DLGAP1: variants seen among roughly 807,000 people sequenced by gnomAD.
DLGAP1 encodes DLG associated protein 1, also known as disks large-associated protein 1.
DLGAP1 carries 11 observed loss-of-function variants against 90.8 expected under a neutral mutation model. That is an observed-to-expected ratio of 0.12 (90% CI 0.08 to 0.20). The LOEUF (loss-of-function observed/expected upper bound fraction) is 0.20. DLGAP1 is among the 10% of genes least tolerant of loss of function. The pLI is 1.00. For missense variants in DLGAP1, 1,050 were observed against 1,333.8 expected (o/e 0.79, Z 3.31); for synonymous variants, 558 against 540.7 (o/e 1.03, Z -0.44).
intron 1 of DLGAP1, among the ~76,000 whole-genome samples, chr18:4,279,581 C>G (rs1300023408): frequency 6.6e-6 from 1 of 152,150 alleles, no homozygotes; most frequent in Non-Finnish European, 1.5e-5. Context: ...TGTTTTCCCT[C>G]TAGCTCAACA....
chr18:3,658,711 A>G (rs998915445), intron 7 of DLGAP1, among the ~76,000 whole-genome samples: 2 of 152,238 alleles, frequency 1.3e-5, no homozygotes, highest in African/African-American at 4.8e-5. Flanking sequence ...TGACTTATTA[A>G]GCAATGACCT....
At chr18:3,768,016 GTCATCTGTTTGCAGA>G (rs1161494147) in intron 5 of DLGAP1, among the ~76,000 whole-genome samples, 4 of 151,972 alleles carry the variant, frequency 2.6e-5, no homozygotes, top group African/African-American at 9.7e-5. Context: ...GTTTTGTCTT[GTCATCTGTTTGCAGA>G]TGACATGATT....
At chr18:3,801,995 GTTTT>G (rs142173022) in intron 5 of DLGAP1, among the ~76,000 whole-genome samples, 76,695 of 140,012 alleles carry the variant, frequency 0.55, 21,653 homozygotes, top group Middle Eastern at 0.7. Flanking sequence ...TTGTTTGTTT[GTTTT>G]TTTGAGATGG....
At chr18:3,600,789 T>TAGATATAC (rs371408913) in intron 7 of DLGAP1, among the ~76,000 whole-genome samples, 4 of 105,656 alleles carry the variant, frequency 3.8e-5, no homozygotes, top group Non-Finnish European at 7.6e-5. Context: ...TATAGATATA[T>TAGATATAC]ATAGATATAT....
At chr18:3,794,425 C>T (rs1009800066) in intron 5 of DLGAP1, among the ~76,000 whole-genome samples, 16 of 106,962 alleles carry the variant, frequency 1.5e-4, no homozygotes, top group Non-Finnish European at 3.9e-5. Flanking sequence ...CAAAACTCTC[C>T]GTGTCAAAGT....
At chr18:3,893,287 C>T (rs2071524884) in intron 3 of DLGAP1, among the ~76,000 whole-genome samples, 1 of 152,008 alleles carries the variant, frequency 6.6e-6, no homozygotes, top group Non-Finnish European at 1.5e-5. Context: ...TTTAAAAATG[C>T]AATCATTGGC....
chr18:3,610,109 G>A (rs2057533169), intron 7 of DLGAP1, among the ~76,000 whole-genome samples: 1 of 151,820 alleles, frequency 6.6e-6, no homozygotes, highest in Non-Finnish European at 1.5e-5. Context: ...TCTCATCGCT[G>A]TTCTCAATTC....
chr18:3,794,212 T>C (rs899232520), intron 5 of DLGAP1, among the ~76,000 whole-genome samples: 6 of 152,230 alleles, frequency 3.9e-5, no homozygotes, highest in African/African-American at 1.4e-4. Context: ...CTCTCCTGTT[T>C]GGCTGCACAA....
intron 2 of DLGAP1, among the ~76,000 whole-genome samples, chr18:4,076,093 G>A (rs7504168): frequency 0.33 from 49,534 of 152,106 alleles, 9,003 homozygotes; most frequent in Non-Finnish European, 0.43. Flanking sequence ...AGGCCACACA[G>A]TTTGGAAATG....
In DLGAP1 at chr18:4,045,432, C is replaced by CAAAAAAAAAAAAAAAAAAAAAAAAAA. The variant is rs763466156; in HGVS notation, c.-158-40257_-158-40232dup. On this transcript the variant is annotated intron_variant, in intron 2 of 12. Transcript: ENST00000315677. The stretch of plus-strand genomic sequence containing the variant: ...GTAACATAGAAAGACCCCATCTCTA[C>CAAAAAAAAAAAAAAAAAAAAAAAAAA]AAAAAAAAAAAAAAAAAAAAAAAAA... 2.1e-4 allele frequency among the ~76,000 whole-genome samples: 6 copies of CAAAAAAAAAAAAAAAAAAAAAAAAAA among 29,196 alleles called. 1 individual carries two copies. Among genetic ancestry groups the CAAAAAAAAAAAAAAAAAAAAAAAAAA allele is most frequent in the East Asian group, 1.9e-3 (1 of 518 alleles). The allele number at this position is 29,196 out of a possible 152,430, so 19.2% of individuals were successfully genotyped here.
At chr18:3,828,737 A>G (rs1655252017) in intron 4 of DLGAP1, among the ~76,000 whole-genome samples, 2 of 151,818 alleles carry the variant, frequency 1.3e-5, no homozygotes, top group Non-Finnish European at 1.5e-5. Context: ...TATAATTTAC[A>G]TAGTATTCAA....
chr18:3,635,180 G>T (rs1009091908), intron 7 of DLGAP1, among the ~76,000 whole-genome samples: 5 of 150,596 alleles, frequency 3.3e-5, no homozygotes, highest in South Asian at 2.1e-4. Context: ...ACCCAGGCTG[G>T]AGTGCAGTGG....
At chr18:3,573,399 G>T (rs957809971) in intron 8 of DLGAP1, among the ~76,000 whole-genome samples, 2 of 152,136 alleles carry the variant, frequency 1.3e-5, no homozygotes, top group Admixed American at 1.3e-4. Context: ...CTACTCGGGA[G>T]ACTGAGGCAG....
chr18:3,834,790 A>G (rs762500550), intron 4 of DLGAP1, among the ~76,000 whole-genome samples: 7 of 152,232 alleles, frequency 4.6e-5, no homozygotes, highest in Non-Finnish European at 7.3e-5. Flanking sequence ...CACAATTAGC[A>G]TATGTAACTT....
intron 7 of DLGAP1, among the ~76,000 whole-genome samples, chr18:3,666,486 C>A (rs1481977760): frequency 6.6e-6 from 1 of 152,168 alleles, no homozygotes; most frequent in African/African-American, 2.4e-5. Flanking sequence ...TTACGCCGCA[C>A]AGATAAAGCC....
intron 2 of DLGAP1, among the ~76,000 whole-genome samples, chr18:4,042,962 G>T (rs2074997682): frequency 6.6e-6 from 1 of 152,120 alleles, no homozygotes; most frequent in Non-Finnish European, 1.5e-5. Flanking sequence ...TCTTCTAAAA[G>T]AGATTCATTT....
At chr18:4,050,544 T>G (rs1041926497) in intron 2 of DLGAP1, among the ~76,000 whole-genome samples, 2 of 152,244 alleles carry the variant, frequency 1.3e-5, no homozygotes, top group Admixed American at 1.3e-4. Flanking sequence ...ATTGTCAATA[T>G]AGGCTTCTAT....
At chr18:4,353,976 C>A (rs1224012788) in intron 1 of DLGAP1, among the ~76,000 whole-genome samples, 1 of 152,128 alleles carries the variant, frequency 6.6e-6, no homozygotes, top group Non-Finnish European at 1.5e-5. Flanking sequence ...TAAACGTGTA[C>A]AACTGAGATG....
intron 4 of DLGAP1, among the ~76,000 whole-genome samples, chr18:3,824,858 T>C (rs1404000840): frequency 1.3e-5 from 2 of 152,208 alleles, no homozygotes; most frequent in Admixed American, 6.5e-5. Context: ...CTGAATCCCA[T>C]CCATTCTAAT....
Sources: gnomAD v4.1 joint callset for allele counts (sites outside exome capture counted in the v4.1 genomes callset) on GRCh38, gnomAD v4.1.1 for gene constraint, MANE v1.5 for transcripts, NCBI Gene and HGNC (gene_info 2026-07-23, HGNC 2026-07-21) for gene names.